Variants in BMERB1 observed in about 807,000 individuals in gnomAD.
BMERB1 encodes the protein bMERB domain containing 1, also known as bMERB domain-containing protein 1.
Under a neutral mutation model 23.6 loss-of-function variants are expected in BMERB1, and 12 were observed. The observed-to-expected ratio is 0.51, with a 90% CI of 0.33 to 0.82. The LOEUF (loss-of-function observed/expected upper bound fraction) is 0.82, where lower values mean the gene tolerates loss of function less well. Ranked by LOEUF, BMERB1 falls within the 40% of genes least tolerant of loss-of-function variation. The probability of loss-of-function intolerance (pLI) is 0.03; values close to 1 mark genes in which losing one functional copy is unlikely to be tolerated. For synonymous variants in BMERB1, 122 were observed against 96.6 expected, an observed-to-expected ratio of 1.26 and a Z score of -1.54; for missense variants, 247 against 255.4, an observed-to-expected ratio of 0.97 and a Z score of 0.22.
chr16:15,571,359 CTTTTTT>C (rs58521843), intron 3 of BMERB1, among the ~76,000 whole-genome samples: 2 of 142,774 alleles, frequency 1.4e-5, no homozygotes, highest in African/African-American at 2.6e-5. Context: ...CAAAAACCTA[CTTTTTT>C]TTTTTTTTTT....
intron 1 of BMERB1, among the ~76,000 whole-genome samples, chr16:15,464,566 CAA>C (rs2051165735): frequency 6.6e-6 from 1 of 152,146 alleles, no homozygotes; most frequent in African/African-American, 2.4e-5. Flanking sequence ...GTATGGTAAA[CAA>C]GAGGTGGATT....
intron 1 of BMERB1, among the ~76,000 whole-genome samples, chr16:15,438,842 A>G (rs1295884746): frequency 6.6e-6 from 1 of 152,172 alleles, no homozygotes; most frequent in Non-Finnish European, 1.5e-5. Context: ...CAGGGTATCT[A>G]TGGATCCATT....
intron 1 of BMERB1, among the ~76,000 whole-genome samples, chr16:15,469,346 A>G (rs2051210429): frequency 6.6e-6 from 1 of 152,116 alleles, no homozygotes; most frequent in African/African-American, 2.4e-5. Flanking sequence ...CTCAATCTAT[A>G]TGTGTATTCT....
chr16:15,478,468 C>G lies in BMERB1; in HGVS notation c.107-36837C>G, dbSNP rs543194399. 5.9e-5 allele frequency among the ~76,000 whole-genome samples: 9 copies of G among 152,202 alleles called. No homozygotes were observed. In the East Asian group the frequency reaches 1.7e-3, roughly 29 times the overall value. On this transcript the variant is annotated intron_variant, in intron 1 of 5. Coordinates refer to ENST00000300006, the MANE Select transcript of BMERB1 (RefSeq NM_033201.3). ...GAGCCACCACGCCTGGCCTTTTTCT[C>G]TAGTTTTAAAGTGCTTTCCCCACTC...
At chr16:15,505,761 G>A (rs541459723) in intron 1 of BMERB1, among the ~76,000 whole-genome samples, 51 of 151,986 alleles carry the variant, frequency 3.4e-4, no homozygotes, top group African/African-American at 9.9e-4. Flanking sequence ...GGTGGTGGGC[G>A]CCTGTAGTCC....
At chr16:15,470,993 C>A (rs1039218520) in intron 1 of BMERB1, among the ~76,000 whole-genome samples, 3 of 151,262 alleles carry the variant, frequency 2.0e-5, no homozygotes, top group Non-Finnish European at 4.4e-5. Context: ...CCTGCTGCCA[C>A]GCCCAGCTAA....
chr16:15,566,292 G>T (rs2030560062), intron 2 of BMERB1, among the ~76,000 whole-genome samples: 1 of 152,188 alleles, frequency 6.6e-6, no homozygotes, highest in African/African-American at 2.4e-5. Context: ...ACAGGAGCCA[G>T]CACCCACTGT....
chr16:15,542,973 G>C (rs918017905), intron 2 of BMERB1, among the ~76,000 whole-genome samples: 3 of 152,186 alleles, frequency 2.0e-5, no homozygotes, highest in Non-Finnish European at 4.4e-5. Flanking sequence ...AACCAGTTCA[G>C]TGGAGATTCA....
intron 1 of BMERB1, among the ~76,000 whole-genome samples, chr16:15,452,337 A>G (rs2051050091): frequency 7.6e-6 from 1 of 131,370 alleles, no homozygotes; most frequent in East Asian, 2.2e-4. Flanking sequence ...GGAGGGAGAG[A>G]GAGAGAGAGA....
chr16:15,542,867 G>A (rs2052099347), intron 2 of BMERB1, among the ~76,000 whole-genome samples: 4 of 152,106 alleles, frequency 2.6e-5, no homozygotes, highest in Admixed American at 2.6e-4. Context: ...TGGGGCTGGG[G>A]TGAGTGCTTT....
chr16:15,540,005 T>C (rs1321866989), intron 2 of BMERB1, among the ~76,000 whole-genome samples: 1 of 151,852 alleles, frequency 6.6e-6, no homozygotes, highest in Non-Finnish European at 1.5e-5. Flanking sequence ...TACAAAAAAT[T>C]AGCCCAGTGT....
intron 3 of BMERB1, among the ~76,000 whole-genome samples, chr16:15,580,762 G>C (rs976205429): frequency 3.3e-5 from 5 of 151,506 alleles, no homozygotes; most frequent in Admixed American, 2.0e-4. Flanking sequence ...AGCCAGGATG[G>C]TCTCGATCTC....
At chr16:15,546,662 A>G (rs960125633) in intron 2 of BMERB1, among the ~76,000 whole-genome samples, 16 of 152,190 alleles carry the variant, frequency 1.1e-4, no homozygotes, top group African/African-American at 3.9e-4. Flanking sequence ...AGACCTAAAT[A>G]ATCAGCTTCT....
intron 3 of BMERB1, 151 bp downstream of exon 3, chr16:15,568,207 A>G (rs1168753369): frequency 1.5e-6 from 1 of 646,898 alleles, no homozygotes; most frequent in Non-Finnish European, 2.7e-6. Context: ...CGAGTCAGGA[A>G]GACCTGGGTT....
At chr16:15,530,626 A>T (rs1002485464) in intron 2 of BMERB1, among the ~76,000 whole-genome samples, 2 of 152,044 alleles carry the variant, frequency 1.3e-5, no homozygotes, top group African/African-American at 4.8e-5. Context: ...TCCCCACCCA[A>T]ATCTTATCCT....
At chr16:15,497,929 C>A (rs1470601716) in intron 1 of BMERB1, among the ~76,000 whole-genome samples, 1 of 152,202 alleles carries the variant, frequency 6.6e-6, no homozygotes, top group Non-Finnish European at 1.5e-5. Flanking sequence ...CATATCTCTC[C>A]AAACCAGTGC....
chr16:15,556,874 G>A (rs1434185885), intron 2 of BMERB1, among the ~76,000 whole-genome samples: 1 of 152,152 alleles, frequency 6.6e-6, no homozygotes, highest in East Asian at 1.9e-4. Context: ...GTGAGCCACC[G>A]CGCCCGGCCC....
At position 15,462,669 on chromosome 16, in the gene BMERB1, A is replaced by G. The variant is rs78233222; in HGVS notation, c.106+27910A>G. Among the ~76,000 whole-genome samples, 319 of 152,292 alleles carry G rather than the reference A, an allele frequency of 2.1e-3. 1 individual carries two copies. The highest frequency in any genetic ancestry group is 7.3e-3 in the African/African-American group (303 of 41,580). On this transcript the variant is annotated intron_variant, in intron 1 of 5. Transcript: ENST00000300006. ...TGCGAACAGAAATTGGCCCCAACAG[A>G]GCGTTCAAGAGTCTGAGAGAAGGCT...
At chr16:15,512,791 A>G (rs1446358881) in intron 1 of BMERB1, among the ~76,000 whole-genome samples, 1 of 151,940 alleles carries the variant, frequency 6.6e-6, no homozygotes, top group Non-Finnish European at 1.5e-5. Context: ...AGGCAGGAGA[A>G]CTGCTTGAAT....
Sources: gnomAD v4.1 joint callset for allele counts (sites outside exome capture counted in the v4.1 genomes callset) on GRCh38, gnomAD v4.1.1 for gene constraint, MANE v1.5 for transcripts, NCBI Gene and HGNC (gene_info 2026-07-23, HGNC 2026-07-21) for gene names.